NEK11: variants seen among roughly 807,000 people sequenced by gnomAD.
NEK11 encodes the protein serine/threonine-protein kinase Nek11.
Under a neutral mutation model 80.7 loss-of-function variants are expected in NEK11, and 72 were observed. That is an observed-to-expected ratio of 0.89 (90% CI 0.74 to 1.08). The LOEUF is 1.08. Among genes scored for constraint, NEK11 ranks in the 50% least tolerant of loss-of-function variants. The pLI is 0.00. For synonymous variants in NEK11, 251 were observed against 260.7 expected (o/e 0.96, Z 0.36); for missense variants, 764 against 763.6 (o/e 1.00, Z -0.01).
At chr3:131,214,662 T>A (rs1422047684) in intron 14 of NEK11, among the ~76,000 whole-genome samples, 1 of 151,336 alleles carries the variant, frequency 6.6e-6, no homozygotes, top group Non-Finnish European at 1.5e-5. Flanking sequence ...AAAAGGATCA[T>A]GGAGCTTATT....
intron 4 of NEK11, among the ~76,000 whole-genome samples, chr3:131,100,384 C>T (rs1456985568): frequency 6.6e-6 from 1 of 151,994 alleles, no homozygotes; most frequent in African/African-American, 2.4e-5. Context: ...ATCACGAGGT[C>T]AGGAGTTGCA....
At chr3:131,116,528 C>A (rs2149414876) in intron 5 of NEK11, among the ~76,000 whole-genome samples, 1 of 152,294 alleles carries the variant, frequency 6.6e-6, no homozygotes, top group African/African-American at 2.4e-5. Context: ...ATTTCTAGTT[C>A]TAGATCCTTG....
intron 11 of NEK11, among the ~76,000 whole-genome samples, chr3:131,163,975 G>T (rs1293068044): frequency 6.6e-6 from 1 of 152,106 alleles, no homozygotes; most frequent in Non-Finnish European, 1.5e-5. Flanking sequence ...CCCCAATCAA[G>T]AACTAGAGAG....
chr3:131,028,800 C>T (rs2064332159), intron 2 of NEK11, among the ~76,000 whole-genome samples: 1 of 151,944 alleles, frequency 6.6e-6, no homozygotes, highest in Admixed American at 6.6e-5. Flanking sequence ...GTGATCCGCC[C>T]GCCTTGGCCT....
At chr3:131,211,284 T>C (rs1006048156) in intron 14 of NEK11, among the ~76,000 whole-genome samples, 5 of 152,166 alleles carry the variant, frequency 3.3e-5, no homozygotes, top group African/African-American at 1.2e-4. Context: ...TTAAGAATGT[T>C]GAATATTGAC....
chr3:131,297,438 T>A (rs1228692540), intron 17 of NEK11, among the ~76,000 whole-genome samples: 2 of 151,756 alleles, frequency 1.3e-5, no homozygotes, highest in Admixed American at 1.3e-4. Flanking sequence ...TTTCATGTGT[T>A]TTTTGGCTGC....
At chr3:131,148,959 T>C (rs1343461372) in intron 7 of NEK11, among the ~76,000 whole-genome samples, 1 of 152,030 alleles carries the variant, frequency 6.6e-6, no homozygotes, top group Non-Finnish European at 1.5e-5. Context: ...AGATATTCAT[T>C]GCCTCAAACA....
At chr3:131,186,623 A>G (rs1350925348) in intron 14 of NEK11, among the ~76,000 whole-genome samples, 2 of 152,172 alleles carry the variant, frequency 1.3e-5, no homozygotes, top group African/African-American at 4.8e-5. Flanking sequence ...CCCATACACT[A>G]GCAGTTAAAA....
intron 17 of NEK11, among the ~76,000 whole-genome samples, chr3:131,287,178 G>A (rs989706385): frequency 2.6e-5 from 4 of 152,218 alleles, no homozygotes; most frequent in Non-Finnish European, 5.9e-5. Flanking sequence ...CAGACACAGA[G>A]ATCCCTGCCT....
At chr3:131,074,248 G>T (rs1209569870) in intron 3 of NEK11, among the ~76,000 whole-genome samples, 2 of 152,082 alleles carry the variant, frequency 1.3e-5, no homozygotes, top group African/African-American at 4.8e-5. Context: ...TAATGGGAGG[G>T]TTCCTCATGC....
At chr3:131,309,104 C>G (rs1334384250) in intron 17 of NEK11, among the ~76,000 whole-genome samples, 3 of 152,246 alleles carry the variant, frequency 2.0e-5, no homozygotes, top group East Asian at 3.9e-4. Context: ...GGTACTGGCC[C>G]GCGGCCTAAG....
intron 5 of NEK11, among the ~76,000 whole-genome samples, chr3:131,115,267 A>C (rs2080826855): frequency 1.3e-5 from 2 of 152,202 alleles, no homozygotes; most frequent in South Asian, 4.1e-4. Flanking sequence ...CCTGGTTCTC[A>C]GTCCTTTGGA....
chr3:131,346,341 T>G (rs2097363149), intron 17 of NEK11, among the ~76,000 whole-genome samples: 1 of 152,136 alleles, frequency 6.6e-6, no homozygotes, highest in Admixed American at 6.5e-5. Context: ...AATAAAATAT[T>G]TTTTAAAAGA....
intron 14 of NEK11, among the ~76,000 whole-genome samples, chr3:131,203,747 ATGTG>A (rs1166405831): frequency 9.6e-4 from 62 of 64,276 alleles, no homozygotes; most frequent in South Asian, 2.6e-3. Flanking sequence ...GTATATATAT[ATGTG>A]TGTGTGTGTG....
chr3:131,307,156 G>A (rs890276431), intron 17 of NEK11, among the ~76,000 whole-genome samples: 5 of 152,006 alleles, frequency 3.3e-5, no homozygotes, highest in African/African-American at 7.3e-5. Context: ...ACCTTTCTTC[G>A]TATCCTGTAC....
At chr3:131,100,171 T>G (rs934864702) in intron 4 of NEK11, among the ~76,000 whole-genome samples, 24 of 152,342 alleles carry the variant, frequency 1.6e-4, no homozygotes, top group African/African-American at 5.0e-4. Flanking sequence ...TCATGGATGT[T>G]GGATTTTCTT....
At chr3:131,292,924 C>T (rs2109008234) in intron 17 of NEK11, among the ~76,000 whole-genome samples, 1 of 152,128 alleles carries the variant, frequency 6.6e-6, no homozygotes, top group African/African-American at 2.4e-5. Context: ...AGTGATTGAC[C>T]TTTGTATATT....
intron 14 of NEK11, among the ~76,000 whole-genome samples, chr3:131,176,499 T>A (rs1340262588): frequency 6.6e-6 from 1 of 152,208 alleles, no homozygotes; most frequent in Non-Finnish European, 1.5e-5. Context: ...ATGCCTGCAG[T>A]TCTCACTAAT....
At chr3:131,153,643 G>A (rs554954335) in intron 9 of NEK11, among the ~76,000 whole-genome samples, 5 of 152,232 alleles carry the variant, frequency 3.3e-5, no homozygotes, top group Middle Eastern at 3.4e-3. Context: ...CATCAGTGGG[G>A]CATGTTCCAA....
Sources: allele counts gnomAD v4.1 joint callset (sites outside exome capture counted in the v4.1 genomes callset), GRCh38; gene constraint gnomAD v4.1.1; transcripts MANE v1.5; gene names NCBI Gene and HGNC (gene_info 2026-07-23, HGNC 2026-07-21).